RGS12: variants seen among roughly 807,000 people sequenced by gnomAD.
RGS12 encodes the protein regulator of G-protein signaling 12.
In RGS12, 66 loss-of-function variants were observed where a neutral mutation model predicts 120.1. The observed-to-expected ratio is 0.55, with a 90% CI of 0.45 to 0.67. The LOEUF (loss-of-function observed/expected upper bound fraction) is 0.67. Among genes scored for constraint, RGS12 ranks in the 30% least tolerant of loss-of-function variants. RGS12 has a pLI of 0.00. For missense variants in RGS12, 1,859 were observed against 1,957.7 expected (o/e 0.95, Z 0.95); for synonymous variants, 827 against 804.7 (o/e 1.03, Z -0.47).
At chr4:3,435,764 T>A (rs1724752416) in intron 17 of RGS12, among the ~76,000 whole-genome samples, 1 of 151,800 alleles carries the variant, frequency 6.6e-6, no homozygotes, top group Non-Finnish European at 1.5e-5. Flanking sequence ...AGTGTCTGCC[T>A]TCCACCTGAA....
chr4:3,405,993 C>T (rs762106743), intron 4 of RGS12, among the ~76,000 whole-genome samples: 24 of 152,178 alleles, frequency 1.6e-4, no homozygotes, highest in Non-Finnish European at 2.2e-4. Context: ...TGTGGCATCT[C>T]GGTGCTCGTA....
chr4:3,305,257 C>T (rs765271435), intron 1 of RGS12, among the ~76,000 whole-genome samples: 13 of 152,138 alleles, frequency 8.5e-5, no homozygotes, highest in Admixed American at 2.6e-4. Flanking sequence ...TTGTTAGAAG[C>T]GAGTCGCTAG....
intron 4 of RGS12, among the ~76,000 whole-genome samples, chr4:3,401,532 G>A (rs927342555): frequency 6.6e-6 from 1 of 151,396 alleles, no homozygotes; most frequent in East Asian, 1.9e-4. Context: ...TAAGTTACTT[G>A]GTGAGGAGGG....
chr4:3,306,497 T>G (rs1381283202), intron 1 of RGS12, among the ~76,000 whole-genome samples: 1 of 152,252 alleles, frequency 6.6e-6, no homozygotes, highest in African/African-American at 2.4e-5. Flanking sequence ...TAAATTTCTT[T>G]AGCATAACTG....
the RGS12 span, among the ~76,000 whole-genome samples, chr4:3,286,090 G>A: frequency 6.6e-6 from 1 of 152,240 alleles, no homozygotes; most frequent in South Asian, 2.1e-4. Flanking sequence ...GCAAGGCAGT[G>A]CCTCCGTCCA....
rs1326443367 is a variant in RGS12, at chr4:3,335,879, C to A, written c.1882-7058C>A. 2.6e-5 allele frequency among the ~76,000 whole-genome samples: 4 copies of A among 152,224 alleles called. No homozygotes were observed. In the East Asian group the frequency reaches 7.7e-4, roughly 29 times the overall value. ...CCAAGGCAGGCCGATCATTTGAGGT[C>A]AGGAGTTCGAGACCAGCCTGGCCAA... On this transcript the variant is annotated intron_variant, in intron 2 of 17. Coordinates refer to ENST00000336727, the MANE Select transcript of RGS12 (RefSeq NM_001394154.1).
chr4:3,386,029 G>C (rs1056947943), intron 3 of RGS12: 1 of 251,556 alleles, frequency 4.0e-6, no homozygotes, highest in African/African-American at 2.3e-5. Flanking sequence ...GTGGTCCTGG[G>C]TGGCGTCACG....
intron 17 of RGS12, among the ~76,000 whole-genome samples, chr4:3,439,085 C>T (rs1307506535): frequency 6.6e-6 from 1 of 151,812 alleles, no homozygotes; most frequent in African/African-American, 2.4e-5. Context: ...GGGCCCTGGG[C>T]CTGGGGGGGC....
chr4:3,363,444 C>G (rs1715933597), intron 3 of RGS12, among the ~76,000 whole-genome samples: 1 of 152,066 alleles, frequency 6.6e-6, no homozygotes, highest in African/African-American at 2.4e-5. Context: ...CGAGAGACCC[C>G]AGGCCTTGTG....
At chr4:3,318,091 T>C in intron 2 of RGS12, 40 bp downstream of exon 2, 5 of 1,536,132 alleles carry the variant, frequency 3.3e-6, no homozygotes, top group South Asian at 1.3e-5. Flanking sequence ...AGGCCCGGCC[T>C]CCTCACTTAG....
chr4:3,321,695 A>G (rs887757212), intron 2 of RGS12, among the ~76,000 whole-genome samples: 1 of 152,162 alleles, frequency 6.6e-6, no homozygotes, highest in African/African-American at 2.4e-5. Flanking sequence ...TCCGGCCTGG[A>G]CAGCCACGTC....
In RGS12 at chr4:3,422,884, T is replaced by C. The variant is rs551425431; in HGVS notation, c.3034-21T>C. On this transcript the variant is annotated intron_variant, in intron 11 of 17. Transcript: ENST00000336727. ...GGCTGCCTGCTGTGCCCACGTTGAT[T>C]CTGGTCTCTCTGTTCCTCAGCCTCT... 4 of 1,610,500 alleles carry C rather than the reference T, an allele frequency of 2.5e-6. No homozygotes were observed. The African/African-American group carries it at 5.3e-5, about 21-fold the overall frequency.
chr4:3,291,897 T>C (rs1298071446), upstream of RGS12, among the ~76,000 whole-genome samples: 1 of 152,156 alleles, frequency 6.6e-6, no homozygotes, highest in African/African-American at 2.4e-5. Context: ...TCTTAATTAA[T>C]TGTCCCACTG....
chr4:3,309,073 GGACTCGGGAAT>G, intron 1 of RGS12, among the ~76,000 whole-genome samples: 1 of 126,226 alleles, frequency 7.9e-6, no homozygotes, highest in Admixed American at 7.9e-5. Flanking sequence ...AGAGGAGCTG[GGACTCGGGAAT>G]GGCAGGTGTC....
intron 1 of RGS12, among the ~76,000 whole-genome samples, chr4:3,309,707 C>G (rs1007346958): frequency 1.5e-5 from 2 of 131,414 alleles, no homozygotes; most frequent in African/African-American, 5.9e-5. Context: ...AGGGGAGGAG[C>G]TGGGACCTGG....
chr4:3,360,960 C>T (rs1715499033), intron 3 of RGS12, among the ~76,000 whole-genome samples: 2 of 152,086 alleles, frequency 1.3e-5, no homozygotes, highest in African/African-American at 4.8e-5. Flanking sequence ...ATCATGTGTA[C>T]CAAGAGCATG....
chr4:3,334,467 A>G (rs2108747639), intron 2 of RGS12, among the ~76,000 whole-genome samples: 1 of 152,254 alleles, frequency 6.6e-6, no homozygotes, highest in South Asian at 2.1e-4. Flanking sequence ...TTTGAGTGAG[A>G]CTATCTCGTA....
At chr4:3,329,947 C>A (rs1353062216) in intron 2 of RGS12, among the ~76,000 whole-genome samples, 4 of 152,190 alleles carry the variant, frequency 2.6e-5, no homozygotes, top group Non-Finnish European at 5.9e-5. Context: ...AGTCACTGAT[C>A]TTATTGCATA....
rs769507147 is a variant in RGS12, at chr4:3,414,179, G to A, written c.2128G>A (p.Ala710Thr). The A allele has an allele frequency of 1.3e-5, 20 of 1,551,672 alleles. No homozygotes were observed. The South Asian group carries it at 1.8e-4, about 14-fold the overall frequency. Residue 710 changes from alanine (A) to threonine (T), a missense_variant, in exon 5 of 18, where the codon GCC (alanine) becomes ACC (threonine). Around this residue, in one of 3 missense-constraint regions of RGS12, gnomAD observed 967 missense variants for 994.2 expected, o/e 0.97. Transcript: ENST00000336727. ...CCGGCGCCTGCGTGAGAGGAGGGTC[G>A]CCAGCTGGGCCGTGTCCTTTGAGCG... ...SCRRLRERRVASWAVSFERLL... is the reference protein window; with the variant it reads ...SCRRLRERRVTSWAVSFERLL...
Sources: gnomAD v4.1 joint callset for allele counts (sites outside exome capture counted in the v4.1 genomes callset) on GRCh38, gnomAD v4.1.1 for gene constraint, gnomAD v4.1.1 regional missense constraint, MANE v1.5 for transcripts, NCBI Gene and HGNC (gene_info 2026-07-23, HGNC 2026-07-21) for gene names.